MROH9: variants seen among roughly 807,000 people sequenced by gnomAD.
MROH9 encodes the protein maestro heat-like repeat-containing protein family member 9.
A neutral mutation model predicts 98.2 loss-of-function variants in MROH9; 92 were observed. The observed-to-expected ratio is 0.94, with a 90% CI of 0.79 to 1.11. The LOEUF (loss-of-function observed/expected upper bound fraction) is 1.11. Among genes scored for constraint, MROH9 ranks in the 50% most tolerant of loss-of-function variants. MROH9 has a pLI of 0.00. For synonymous variants in MROH9, 397 were observed against 368.9 expected (o/e 1.08, Z -0.87); for missense variants, 1,057 against 1,014.8 (o/e 1.04, Z -0.57).
intron 9 of MROH9, among the ~76,000 whole-genome samples, chr1:170,985,418 G>T (rs1651094182): frequency 6.6e-6 from 1 of 152,118 alleles, no homozygotes; most frequent in African/African-American, 2.4e-5. Context: ...GAAGAACCCA[G>T]CTGATCCTGT....
intron 9 of MROH9, among the ~76,000 whole-genome samples, chr1:170,984,880 C>T (rs887758175): frequency 6.6e-6 from 1 of 151,998 alleles, no homozygotes; most frequent in African/African-American, 2.4e-5. Context: ...TGAGAGAATA[C>T]AAGATTGTAG....
intron 7 of MROH9, among the ~76,000 whole-genome samples, chr1:170,969,644 G>C (rs1349547035): frequency 6.6e-6 from 1 of 152,082 alleles, no homozygotes; most frequent in Non-Finnish European, 1.5e-5. Flanking sequence ...GTTGCTTCTG[G>C]AACCTAGCAC....
In MROH9 at chr1:171,056,134, G is replaced by T. The variant is rs938159274; in HGVS notation, c.2282-5998G>T. 1.5e-4 allele frequency among the ~76,000 whole-genome samples: 23 copies of T among 152,328 alleles called. 1 individual carries two copies. The highest frequency in any genetic ancestry group is 6.8e-3 in the Middle Eastern group (2 of 294). ...CCTGCCGAGCCCCTGGGGAGAAGGGGTGACCAGCACCACAGCTGCAGCTGC... is the reference window on the plus strand; with the variant it reads ...CCTGCCGAGCCCCTGGGGAGAAGGGTTGACCAGCACCACAGCTGCAGCTGC... On this transcript the variant is annotated intron_variant, in intron 20 of 21. Transcript: ENST00000367759.
intron 15 of MROH9, among the ~76,000 whole-genome samples, chr1:171,004,418 GC>G (rs149697643): frequency 0.089 from 13,529 of 152,148 alleles, 710 homozygotes; most frequent in Middle Eastern, 0.17. Context: ...AACTCCCAGG[GC>G]CTTTCTGCTG....
At position 170,996,586 on chromosome 1, in the gene MROH9, T is replaced by A. The variant is rs1238091914; in HGVS notation, c.1417T>A (p.Phe473Ile). The A allele has an allele frequency of 1.9e-6, 3 of 1,613,638 alleles. No homozygotes were observed. In the Admixed American group the frequency reaches 5.0e-5, roughly 27 times the overall value. The change falls in exon 14 of 22, where the codon TTC becomes ATC. Residue 473 changes from phenylalanine to isoleucine, a missense_variant. Phe to Ile is a conservative substitution (Grantham distance 21, BLOSUM62 0). Coordinates refer to ENST00000367759, the MANE Select transcript of MROH9 (RefSeq NM_001163629.2). ...QVDITLMKEN[F>I]WDQLSEDLCY... is the part of the protein sequence containing the mutation. ...GGATATTACTCTAATGAAGGAGAAT[T>A]TCTGGGACCAGTTATCTGAAGATCT...
rs776211225 is a variant in MROH9 at position 170,995,255 on chromosome 1, C to T, written c.1195-134C>T. ...GGCTGTTATTAAATGAATGGATACC[C>T]ATATGTGCTTTAGGTTTTCTTCAAG... On this transcript the variant is annotated intron_variant, in intron 12 of 21. Coordinates refer to ENST00000367759, the MANE Select transcript of MROH9 (RefSeq NM_001163629.2). The T allele has an allele frequency of 1.8e-4, 155 of 842,390 alleles. 1 individual carries two copies. Among genetic ancestry groups the T allele is most frequent in the Admixed American group, 4.6e-5 (2 of 43,050 alleles). The allele number at this position is 842,390 out of a possible 1,614,324, so 52.2% of individuals were successfully genotyped here. A position where few individuals can be genotyped will look rare whatever the true frequency, so the allele number is the denominator to read the frequency against.
At chr1:170,936,801 T>G (rs1648902785) in intron 1 of MROH9, among the ~76,000 whole-genome samples, 1 of 151,946 alleles carries the variant, frequency 6.6e-6, no homozygotes, top group African/African-American at 2.4e-5. Flanking sequence ...ACCGGCCCAG[T>G]TGGATTAACC....
intron 15 of MROH9, 27 bp downstream of exon 15, chr1:170,998,301 G>T (rs747320391): frequency 6.2e-7 from 1 of 1,613,396 alleles, no homozygotes; most frequent in East Asian, 2.2e-5. Flanking sequence ...GTGAACAGCT[G>T]TGTTCTCATT....
intron 20 of MROH9, among the ~76,000 whole-genome samples, chr1:171,031,897 G>A (rs775567952): frequency 2.6e-5 from 4 of 152,070 alleles, no homozygotes; most frequent in Middle Eastern, 3.4e-3. Context: ...CATTCTCCTC[G>A]TCTCCTTCTG....
intron 15 of MROH9, among the ~76,000 whole-genome samples, chr1:171,012,105 A>G (rs1652175099): frequency 6.6e-6 from 1 of 151,788 alleles, no homozygotes; most frequent in Non-Finnish European, 1.5e-5. Flanking sequence ...ATTGTTTTTT[A>G]TTTTGTTGTC....
chr1:170,992,257 T>C lies in MROH9; in HGVS notation c.1122T>C (p.Pro374=), dbSNP rs1177456514. 3.1e-6 allele frequency: 5 copies of C among 1,613,446 alleles called. No homozygotes were observed. Among genetic ancestry groups the C allele is most frequent in the Non-Finnish European group, 4.2e-6 (5 of 1,179,696 alleles). Reference sequence around the variant, plus strand: ...TCTTATTGATACTGAAAGGAAAGCCTGGGGAAATGGAGGACACCGTAACGG... The same window carrying C: ...TCTTATTGATACTGAAAGGAAAGCCCGGGGAAATGGAGGACACCGTAACGG... ...KTILLILKGK[P]GEMEDTVTEG... is the part of the protein sequence containing the mutation. Residue 374 remains proline, a synonymous_variant, in exon 12 of 22, where the codon CCT becomes CCC. Coordinates refer to ENST00000367759, the MANE Select transcript of MROH9 (RefSeq NM_001163629.2).
At chr1:170,953,728 G>GAAAGAAAATA (rs367648902) in intron 3 of MROH9, among the ~76,000 whole-genome samples, 1 of 141,848 alleles carries the variant, frequency 7.0e-6, no homozygotes, top group African/African-American at 2.7e-5. Flanking sequence ...GTAGATTAGG[G>GAAAGAAAATA]AAAGAAAAGA....
chr1:171,054,237 C>T (rs897102224), intron 20 of MROH9, among the ~76,000 whole-genome samples: 1 of 151,996 alleles, frequency 6.6e-6, no homozygotes, highest in East Asian at 1.9e-4. Context: ...TAAAATACAG[C>T]CAACTGATGT....
At chr1:170,968,385 G>A (rs936030603) in intron 7 of MROH9, among the ~76,000 whole-genome samples, 1 of 152,254 alleles carries the variant, frequency 6.6e-6, no homozygotes, top group South Asian at 2.1e-4. Context: ...ATTCTGTCTA[G>A]CTATACTACA....
At chr1:171,049,563 C>A (rs1653588247) in intron 20 of MROH9, among the ~76,000 whole-genome samples, 1 of 152,300 alleles carries the variant, frequency 6.6e-6, no homozygotes, top group African/African-American at 2.4e-5. Context: ...GCTTTCTATT[C>A]CATCACCTTG....
intron 20 of MROH9, among the ~76,000 whole-genome samples, chr1:171,043,008 A>G (rs1345716668): frequency 1.3e-5 from 2 of 151,754 alleles, no homozygotes; most frequent in Admixed American, 6.6e-5. Flanking sequence ...TCATTTGTCC[A>G]TTTTTGCTTT....
At chr1:170,946,866 A>C (rs918302388) in intron 2 of MROH9, among the ~76,000 whole-genome samples, 4 of 152,024 alleles carry the variant, frequency 2.6e-5, no homozygotes, top group Non-Finnish European at 5.9e-5. Flanking sequence ...TATTTTGATA[A>C]CATTAAAAAA....
intron 20 of MROH9, among the ~76,000 whole-genome samples, chr1:171,046,471 T>C (rs1653476440): frequency 6.6e-6 from 1 of 152,224 alleles, no homozygotes; most frequent in East Asian, 1.9e-4. Context: ...TTTTTTGGTT[T>C]GTGGCTACCA....
chr1:170,968,149 G>C (rs1029066122), intron 7 of MROH9, among the ~76,000 whole-genome samples: 10 of 152,134 alleles, frequency 6.6e-5, no homozygotes, highest in Admixed American at 2.0e-4. Context: ...AAAGTAGTGT[G>C]CCCTGTAGAA....
Sources: allele counts gnomAD v4.1 joint callset (sites outside exome capture counted in the v4.1 genomes callset), GRCh38; gene constraint gnomAD v4.1.1; transcripts MANE v1.5; gene names NCBI Gene and HGNC (gene_info 2026-07-23, HGNC 2026-07-21).